The following PTPN3 variants were observed in gnomAD, a reference collection of about 807,000 sequenced individuals.
PTPN3 encodes protein tyrosine phosphatase non-receptor type 3, also known as tyrosine-protein phosphatase non-receptor type 3.
A neutral mutation model predicts 132.7 loss-of-function variants in PTPN3; 96 were observed. The ratio of observed to expected loss-of-function variants is 0.72; its 90% CI spans 0.61 to 0.86. The LOEUF (loss-of-function observed/expected upper bound fraction) is 0.86. Ranked by LOEUF, PTPN3 falls within the 40% of genes least tolerant of loss-of-function variation. The pLI, the probability that PTPN3 is intolerant of heterozygous loss-of-function variation, is 0.00. For synonymous variants in PTPN3, 398 were observed against 429.0 expected, an observed-to-expected ratio of 0.93 and a Z score of 0.89; for missense variants, 1,125 against 1,159.6, an observed-to-expected ratio of 0.97 and a Z score of 0.43.
At chr9:109,433,410 A>T (rs1162758445) in intron 9 of PTPN3, among the ~76,000 whole-genome samples, 1 of 152,210 alleles carries the variant, frequency 6.6e-6, no homozygotes, top group Non-Finnish European at 1.5e-5. Flanking sequence ...AAAGTTACCA[A>T]ATAAGCCCAC....
chr9:109,449,683 A>G (rs1845121804), intron 5 of PTPN3: 1 of 985,320 alleles, frequency 1.0e-6, no homozygotes, highest in African/African-American at 1.7e-5. Flanking sequence ...GCTTTTTTAA[A>G]CCCAGATTCA....
At chr9:109,417,786 T>C (rs17201458) in intron 14 of PTPN3, 25,177 of 985,262 alleles carry the variant, frequency 0.026, 444 homozygotes, top group East Asian at 0.15. Context: ...GTGCACCTGG[T>C]AAAACCCCAC....
At chr9:109,507,179 A>G in the PTPN3 span, among the ~76,000 whole-genome samples, 72 of 152,356 alleles carry the variant, frequency 4.7e-4, no homozygotes, top group African/African-American at 1.7e-3. Flanking sequence ...ATGGAACAGA[A>G]GAGAGCTTTT....
At chr9:109,449,802 C>G (rs1023585850) in intron 5 of PTPN3, 5 of 985,292 alleles carry the variant, frequency 5.1e-6, no homozygotes, top group Non-Finnish European at 6.0e-6. Context: ...ATAATTTTCA[C>G]AATTGAAACA....
intron 14 of PTPN3, among the ~76,000 whole-genome samples, chr9:109,413,152 C>CA (rs1429204460): frequency 6.6e-6 from 1 of 150,788 alleles, no homozygotes; most frequent in African/African-American, 2.4e-5. Context: ...GATGGGGTTT[C>CA]ACCATGTTAG....
At chr9:109,513,060 G>A in the PTPN3 span, among the ~76,000 whole-genome samples, 1 of 152,208 alleles carries the variant, frequency 6.6e-6, no homozygotes, top group African/African-American at 2.4e-5. Flanking sequence ...CCAGACTGGG[G>A]TGCAGTGGCA....
At chr9:109,490,516 T>C (rs1471345731) in intron 1 of PTPN3, among the ~76,000 whole-genome samples, 1 of 152,176 alleles carries the variant, frequency 6.6e-6, no homozygotes, top group African/African-American at 2.4e-5. Flanking sequence ...GGTGGGCGGA[T>C]CACCTGAGGT....
rs181360710 is a variant in PTPN3, at chr9:109,444,945, T to A, written c.466+295A>T. Among the ~76,000 whole-genome samples, 318 of 152,366 alleles carry A rather than the reference T, an allele frequency of 2.1e-3. 1 individual carries two copies. Among genetic ancestry groups the A allele is most frequent in the South Asian group, 3.9e-3 (19 of 4,828 alleles). ...TCAGATCAAATGCCTGAGCAAAGTT[T>A]CTGGAAAATGCAATGTGCAACAGCT... On this transcript the variant is annotated intron_variant, in intron 7 of 25. Transcript: ENST00000374541.
intron 5 of PTPN3, among the ~76,000 whole-genome samples, chr9:109,453,890 C>T (rs1195225499): frequency 1.3e-5 from 2 of 151,488 alleles, no homozygotes; most frequent in East Asian, 1.9e-4. Context: ...TGGTACCTGC[C>T]TGTAATCCTA....
intron 1 of PTPN3, among the ~76,000 whole-genome samples, chr9:109,487,678 C>A (rs1847274510): frequency 6.6e-6 from 1 of 152,190 alleles, no homozygotes; most frequent in Non-Finnish European, 1.5e-5. Context: ...AAAAAGACAG[C>A]CTAGCAACTT....
intron 13 of PTPN3, among the ~76,000 whole-genome samples, 175 bp downstream of exon 13, chr9:109,422,543 G>A (rs1158087159): frequency 3.3e-5 from 5 of 152,134 alleles, no homozygotes; most frequent in Non-Finnish European, 5.9e-5. Context: ...TATACACGAT[G>A]GAAAACATTT....
intron 14 of PTPN3, among the ~76,000 whole-genome samples, 198 bp from the exon 15 acceptor site, chr9:109,410,613 T>C (rs1842007407): frequency 6.6e-6 from 1 of 152,148 alleles, no homozygotes; most frequent in Non-Finnish European, 1.5e-5. Context: ...CACTGTCACA[T>C]GGTTTTGGGG....
chr9:109,392,392 T>G (rs934886764), intron 19 of PTPN3, among the ~76,000 whole-genome samples: 3 of 152,046 alleles, frequency 2.0e-5, no homozygotes, highest in African/African-American at 7.2e-5. Flanking sequence ...TTTTTTTTTT[T>G]GCGGAAAATT....
chr9:109,536,862 AG>A, the PTPN3 span, among the ~76,000 whole-genome samples: 1 of 152,330 alleles, frequency 6.6e-6, no homozygotes, highest in East Asian at 1.9e-4. Flanking sequence ...GTCAATGAGA[AG>A]ATTGAATATT....
chr9:109,421,455 C>T (rs1842888654), intron 13 of PTPN3, among the ~76,000 whole-genome samples: 1 of 152,182 alleles, frequency 6.6e-6, no homozygotes, highest in Non-Finnish European at 1.5e-5. Context: ...ATCAATAATG[C>T]TGTGTCCAAA....
chr9:109,461,335 G>A (rs1412690511), intron 2 of PTPN3, among the ~76,000 whole-genome samples: 1 of 152,108 alleles, frequency 6.6e-6, no homozygotes, highest in Admixed American at 6.6e-5. Flanking sequence ...CAGGACAAGG[G>A]ATTGACATCT....
chr9:109,391,847 C>G (rs1024798871), intron 19 of PTPN3, among the ~76,000 whole-genome samples: 2 of 99,780 alleles, frequency 2.0e-5, no homozygotes, highest in African/African-American at 4.2e-5. Context: ...AACTATTTGA[C>G]AAGAGCTAAA....
At chr9:109,383,381 C>A in intron 23 of PTPN3, 42 bp downstream of exon 23, 1 of 1,613,856 alleles carries the variant, frequency 6.2e-7, no homozygotes, top group South Asian at 1.1e-5. Context: ...GCCGCTGATT[C>A]AGCACCTGCC....
At chr9:109,471,617 G>A (rs932061151) in intron 1 of PTPN3, among the ~76,000 whole-genome samples, 3 of 150,978 alleles carry the variant, frequency 2.0e-5, no homozygotes, top group South Asian at 2.1e-4. Context: ...TATCTTCCCC[G>A]ATCCACAATC....
Sources: gnomAD v4.1 joint callset for allele counts (sites outside exome capture counted in the v4.1 genomes callset) on GRCh38, gnomAD v4.1.1 for gene constraint, MANE v1.5 for transcripts, NCBI Gene and HGNC (gene_info 2026-07-23, HGNC 2026-07-21) for gene names.